CDH13: variants seen among roughly 807,000 people sequenced by gnomAD.
CDH13 encodes cadherin 13.
Under a neutral mutation model 63.8 loss-of-function variants are expected in CDH13, and 24 were observed. That is an observed-to-expected ratio of 0.38 (90% CI 0.27 to 0.53). The LOEUF (loss-of-function observed/expected upper bound fraction) is 0.53, where lower values mean the gene tolerates loss of function less well. Ranked by LOEUF, CDH13 falls within the 20% of genes least tolerant of loss-of-function variation. CDH13 has a pLI of 0.85. For synonymous variants in CDH13, 503 were observed against 355.3 expected (o/e 1.42, Z -4.67); for missense variants, 1,049 against 903.1 (o/e 1.16, Z -2.07).
At chr16:82,632,066 AG>A (rs535637917) in intron 1 of CDH13, among the ~76,000 whole-genome samples, 8 of 152,024 alleles carry the variant, frequency 5.3e-5, no homozygotes, top group Non-Finnish European at 1.0e-4. Flanking sequence ...TTTCTGAAAA[AG>A]TCAGGTCAGG....
chr16:82,879,439 T>A (rs1480284270), intron 2 of CDH13, among the ~76,000 whole-genome samples: 1 of 147,044 alleles, frequency 6.8e-6, no homozygotes, highest in Non-Finnish European at 1.5e-5. Context: ...ATATATATTT[T>A]CCTATATATG....
chr16:83,429,317 C>T (rs1456714740), intron 6 of CDH13, among the ~76,000 whole-genome samples: 1 of 152,184 alleles, frequency 6.6e-6, no homozygotes, highest in Non-Finnish European at 1.5e-5. Flanking sequence ...CTGATTTCCT[C>T]ATGAGGTACA....
chr16:82,636,814 T>C (rs927638958), intron 1 of CDH13, among the ~76,000 whole-genome samples: 1 of 152,220 alleles, frequency 6.6e-6, no homozygotes, highest in Non-Finnish European at 1.5e-5. Context: ...ATTTCTGTGA[T>C]GTAAATACTC....
At position 82,676,234 on chromosome 16, in the gene CDH13, A is replaced by G. The variant is rs555360548; in HGVS notation, c.45+49097A>G. ...GAGCTGTATACCCACTGCCTACTTG[A>G]CATTCTTCTTACATGTCTCAAAGGC... On this transcript the variant is annotated intron_variant, in intron 1 of 13. Coordinates refer to ENST00000567109, the MANE Select transcript of CDH13 (RefSeq NM_001257.5). Among the ~76,000 whole-genome samples the G allele has an allele frequency of 5.9e-5, 9 of 152,218 alleles. No individual in the cohort carries two copies. The South Asian group carries it at 1.2e-3, about 21-fold the overall frequency.
Position 83,796,717 on chromosome 16 carries a change from G to T in CDH13, c.*1687G>T, listed in dbSNP as rs1049206526. On this transcript the variant is annotated 3_prime_UTR_variant, in exon 14 of 14. Transcript: ENST00000567109. Reference sequence around the variant, plus strand: ...ATTTGGGGTCCGTCGTACATCTCTGGTTGGTGAGTGAGTCTATGAAGACAG... The same window carrying T: ...ATTTGGGGTCCGTCGTACATCTCTGTTTGGTGAGTGAGTCTATGAAGACAG... The T allele has an allele frequency of 6.6e-6, 1 of 152,122 alleles. No homozygotes were observed. Among genetic ancestry groups the T allele is most frequent in the African/African-American group, 2.4e-5 (1 of 41,414 alleles). 9.4% of individuals were successfully genotyped at this position (152,122 alleles called of 1,614,324 possible). A position where few individuals can be genotyped will look rare whatever the true frequency, so the allele number is the denominator to read the frequency against.
chr16:82,711,800 G>C (rs988685881), intron 1 of CDH13, among the ~76,000 whole-genome samples: 2 of 152,196 alleles, frequency 1.3e-5, no homozygotes, highest in African/African-American at 4.8e-5. Flanking sequence ...CGGTGATGCC[G>C]ATGAGTTCCC....
At chr16:83,005,056 C>A (rs553950391) in intron 2 of CDH13, among the ~76,000 whole-genome samples, 1 of 152,146 alleles carries the variant, frequency 6.6e-6, no homozygotes, top group Non-Finnish European at 1.5e-5. Flanking sequence ...TTGAGCAGAG[C>A]TGAGTCACAT....
intron 5 of CDH13, among the ~76,000 whole-genome samples, chr16:83,251,327 T>A (rs187872521): frequency 6.6e-6 from 1 of 152,328 alleles, no homozygotes; most frequent in Non-Finnish European, 1.5e-5. Context: ...TCATGTTAAG[T>A]ATTTTACATG....
At chr16:83,368,762 T>A (rs1285827550) in intron 6 of CDH13, among the ~76,000 whole-genome samples, 3 of 151,246 alleles carry the variant, frequency 2.0e-5, no homozygotes, top group African/African-American at 7.3e-5. Flanking sequence ...AGTGAGAATA[T>A]ATGACATTCG....
intron 7 of CDH13, among the ~76,000 whole-genome samples, chr16:83,600,101 C>G (rs896665691): frequency 6.6e-6 from 1 of 152,112 alleles, no homozygotes; most frequent in African/African-American, 2.4e-5. Context: ...GCCAACGAAA[C>G]CAGCCAGGAG....
chr16:83,335,391 C>G lies in CDH13; in HGVS notation c.637-9471C>G, dbSNP rs113184124. Among the ~76,000 whole-genome samples, 886 of 99,804 alleles carry G rather than the reference C, an allele frequency of 8.9e-3. 7 individuals carry two copies. The highest frequency in any genetic ancestry group is 0.026 in the African/African-American group (665 of 25,334). 65.5% of individuals were successfully genotyped at this position (99,804 alleles called of 152,430 possible). A position where few individuals can be genotyped will look rare whatever the true frequency, so the allele number is the denominator to read the frequency against. On this transcript the variant is annotated intron_variant, in intron 5 of 13. Transcript: ENST00000567109. The stretch of plus-strand genomic sequence containing the variant: ...GTGCATTTCAAGGTTTTGTGTGAGT[C>G]AAACACACACACACACAGTTCCTTT...
chr16:82,808,849 T>A (rs1175582397), intron 1 of CDH13, among the ~76,000 whole-genome samples: 2 of 152,142 alleles, frequency 1.3e-5, no homozygotes, highest in East Asian at 3.9e-4. Context: ...AAAAATTAAT[T>A]CATTTAACCT....
intron 10 of CDH13, among the ~76,000 whole-genome samples, chr16:83,737,397 A>C (rs1412813488): frequency 6.6e-6 from 1 of 152,246 alleles, no homozygotes; most frequent in East Asian, 1.9e-4. Context: ...AGTGATGAAG[A>C]TATTAAATTC....
intron 2 of CDH13, among the ~76,000 whole-genome samples, chr16:82,912,230 A>ATATGTTACTTTTCACACATCT (rs6145918): frequency 1.3e-5 from 2 of 151,866 alleles, no homozygotes; most frequent in Non-Finnish European, 2.9e-5. Context: ...CTGCATGTTA[A>ATATGTTACTTTTCACACATCT]TATTTTCTTA....
At chr16:82,982,231 TTTC>T (rs1186303968) in intron 2 of CDH13, among the ~76,000 whole-genome samples, 11 of 152,116 alleles carry the variant, frequency 7.2e-5, no homozygotes, top group Admixed American at 1.3e-4. Flanking sequence ...AAAATAAGAA[TTTC>T]TTCTTATTTT....
chr16:82,931,636 C>G (rs1324942294), intron 2 of CDH13, among the ~76,000 whole-genome samples: 4 of 151,866 alleles, frequency 2.6e-5, no homozygotes, highest in Non-Finnish European at 4.4e-5. Context: ...GTTTAATGGA[C>G]TCACAGTTCC....
In CDH13 at chr16:83,515,398, C is replaced by G. The variant is rs147517968; in HGVS notation, c.960+28743C>G. Among the ~76,000 whole-genome samples, 26 of 152,348 alleles carry G rather than the reference C, an allele frequency of 1.7e-4. No individual in the cohort carries two copies. In the East Asian group the frequency reaches 4.8e-3, roughly 28 times the overall value. On this transcript the variant is annotated intron_variant, in intron 7 of 13. Coordinates refer to ENST00000567109, the MANE Select transcript of CDH13 (RefSeq NM_001257.5). ...TATGCACTCACGAAGAGTTAACAAG[C>G]AATAATAAACAGTCAAGACTGCTTT...
intron 7 of CDH13, among the ~76,000 whole-genome samples, chr16:83,554,597 C>T (rs1230102974): frequency 6.6e-6 from 1 of 152,000 alleles, no homozygotes; most frequent in African/African-American, 2.4e-5. Context: ...GGGAGTCTCA[C>T]ACTTGGTTGC....
chr16:83,024,911 C>G (rs1343491827), intron 2 of CDH13, among the ~76,000 whole-genome samples: 1 of 152,178 alleles, frequency 6.6e-6, no homozygotes, highest in Non-Finnish European at 1.5e-5. Context: ...CAACAATGGG[C>G]AAGCCTGAAT....
Sources: gnomAD v4.1 joint callset for allele counts (sites outside exome capture counted in the v4.1 genomes callset) on GRCh38, gnomAD v4.1.1 for gene constraint, MANE v1.5 for transcripts, NCBI Gene and HGNC (gene_info 2026-07-23, HGNC 2026-07-21) for gene names.